Variants in RFX3 observed in about 807,000 individuals in gnomAD.
RFX3 encodes the protein regulatory factor X3.
In RFX3, 14 loss-of-function variants were observed where a neutral mutation model predicts 98.6. The observed-to-expected ratio is 0.14, with a 90% CI of 0.09 to 0.22. The LOEUF (loss-of-function observed/expected upper bound fraction) is 0.22, where lower values mean the gene tolerates loss of function less well. Ranked by LOEUF, RFX3 falls within the 10% of genes least tolerant of loss-of-function variation. RFX3 has a pLI of 1.00. For missense variants in RFX3, 639 were observed against 926.9 expected, an observed-to-expected ratio of 0.69 and a Z score of 4.03; for synonymous variants, 383 against 328.4, an observed-to-expected ratio of 1.17 and a Z score of -1.80.
chr9:3,518,406 A>T (rs1025332055), intron 1 of RFX3, among the ~76,000 whole-genome samples: 1 of 152,188 alleles, frequency 6.6e-6, no homozygotes, highest in Non-Finnish European at 1.5e-5. Flanking sequence ...TACAAAAATA[A>T]CGCAAAGGGG....
At chr9:3,306,987 G>T (rs1358600287) in intron 4 of RFX3, among the ~76,000 whole-genome samples, 1 of 151,942 alleles carries the variant, frequency 6.6e-6, no homozygotes, top group Admixed American at 6.6e-5. Context: ...AATGGGGGCG[G>T]GTCTTTCCTG....
chr9:3,467,735 G>C (rs551881469), intron 1 of RFX3, among the ~76,000 whole-genome samples: 1 of 152,276 alleles, frequency 6.6e-6, no homozygotes, highest in African/African-American at 2.4e-5. Context: ...ACCTGGAATG[G>C]AAAGAACAGA....
At chr9:3,324,109 G>T (rs747825804) in intron 4 of RFX3, 4 of 396,298 alleles carry the variant, frequency 1.0e-5, no homozygotes, top group East Asian at 7.3e-5. Flanking sequence ...GGGAAAAAGG[G>T]ACACAGGAAA....
chr9:3,359,014 T>A (rs1836102179), intron 2 of RFX3, among the ~76,000 whole-genome samples: 1 of 151,818 alleles, frequency 6.6e-6, no homozygotes, highest in South Asian at 2.1e-4. Context: ...CAAGGTGAGA[T>A]TTGAGTAGGG....
intron 1 of RFX3, among the ~76,000 whole-genome samples, chr9:3,495,433 T>C (rs1275227107): frequency 2.0e-5 from 3 of 152,084 alleles, no homozygotes; most frequent in Non-Finnish European, 4.4e-5. Context: ...CAGCTATCAA[T>C]AGAATATATT....
At chr9:3,506,052 T>C (rs1345454357) in intron 1 of RFX3, among the ~76,000 whole-genome samples, 1 of 151,836 alleles carries the variant, frequency 6.6e-6, no homozygotes, top group African/African-American at 2.4e-5. Context: ...TATTAAAACT[T>C]ACAGAAATTG....
intron 1 of RFX3, among the ~76,000 whole-genome samples, chr9:3,426,428 G>A (rs1333295021): frequency 6.6e-6 from 1 of 151,398 alleles, no homozygotes; most frequent in Non-Finnish European, 1.5e-5. Context: ...TATAGAACAA[G>A]GGTCCCCAAC....
chr9:3,512,055 C>T (rs1451720002), intron 1 of RFX3, among the ~76,000 whole-genome samples: 4 of 151,816 alleles, frequency 2.6e-5, no homozygotes, highest in Non-Finnish European at 5.9e-5. Context: ...TCGAAATATC[C>T]CTTAAATATA....
At chr9:3,487,557 A>G (rs1850380441) in intron 1 of RFX3, among the ~76,000 whole-genome samples, 1 of 152,220 alleles carries the variant, frequency 6.6e-6, no homozygotes, top group African/African-American at 2.4e-5. Context: ...TAGAAAAAGC[A>G]GCATATAACT....
intron 15 of RFX3, among the ~76,000 whole-genome samples, chr9:3,229,307 T>G (rs1010073611): frequency 6.6e-6 from 1 of 152,186 alleles, no homozygotes; most frequent in Non-Finnish European, 1.5e-5. Context: ...AGTCTCTACA[T>G]TAGAGAAACA....
chr9:3,468,815 G>GAAAAAAAA (rs34057815), intron 1 of RFX3, among the ~76,000 whole-genome samples: 8 of 84,250 alleles, frequency 9.5e-5, no homozygotes, highest in East Asian at 2.6e-4. Flanking sequence ...TTTTCCTTTT[G>GAAAAAAAA]AAAAAAAAAA....
chr9:3,258,893 ATAT>A (rs1435299091), intron 13 of RFX3, among the ~76,000 whole-genome samples: 14 of 151,664 alleles, frequency 9.2e-5, no homozygotes, highest in African/African-American at 2.7e-4. Context: ...CATACATTTT[ATAT>A]TATTATATGC....
At chr9:3,390,951 CT>C (rs1185408115) in intron 2 of RFX3, among the ~76,000 whole-genome samples, 1 of 152,138 alleles carries the variant, frequency 6.6e-6, no homozygotes, top group East Asian at 1.9e-4. Flanking sequence ...ACCGCAATTA[CT>C]TTTGCACCAA....
intron 2 of RFX3, among the ~76,000 whole-genome samples, chr9:3,349,069 C>G (rs1315496140): frequency 6.6e-6 from 1 of 152,048 alleles, no homozygotes; most frequent in East Asian, 1.9e-4. Flanking sequence ...TAGAAATACA[C>G]ATATTTTTTG....
intron 1 of RFX3, among the ~76,000 whole-genome samples, chr9:3,421,461 C>A (rs1290363220): frequency 1.3e-5 from 2 of 152,140 alleles, no homozygotes; most frequent in Admixed American, 6.5e-5. Context: ...ATAGAAATAA[C>A]CCTGGTTAAC....
chr9:3,295,954 A>T (rs954390377), intron 5 of RFX3, among the ~76,000 whole-genome samples: 1 of 152,090 alleles, frequency 6.6e-6, no homozygotes, highest in Non-Finnish European at 1.5e-5. Flanking sequence ...TAAAACATTT[A>T]AAAAACTGCC....
chr9:3,433,487 T>A (rs1031558361), intron 1 of RFX3, among the ~76,000 whole-genome samples: 8 of 152,212 alleles, frequency 5.3e-5, no homozygotes, highest in Admixed American at 4.6e-4. Context: ...ATAGAAAATA[T>A]GTGTTAATCA....
At chr9:3,325,669 G>C (rs1286298422) in intron 4 of RFX3, among the ~76,000 whole-genome samples, 2 of 151,866 alleles carry the variant, frequency 1.3e-5, no homozygotes, top group African/African-American at 2.4e-5. Flanking sequence ...GAGTAAATAA[G>C]GCTTTTTAAA....
intron 2 of RFX3, among the ~76,000 whole-genome samples, chr9:3,353,011 G>A (rs1563973712): frequency 6.6e-6 from 1 of 151,974 alleles, no homozygotes. Context: ...GGAATACTAT[G>A]CAGCCATAAA....
Sources: allele counts gnomAD v4.1 joint callset (sites outside exome capture counted in the v4.1 genomes callset), GRCh38; gene constraint gnomAD v4.1.1; transcripts MANE v1.5; gene names NCBI Gene and HGNC (gene_info 2026-07-23, HGNC 2026-07-21).